KLF13: variants seen among roughly 807,000 people sequenced by gnomAD.
KLF13 encodes Krueppel-like factor 13.
In KLF13, 8 loss-of-function variants were observed where a neutral mutation model predicts 16.7. That is an observed-to-expected ratio of 0.48 (90% CI 0.28 to 0.87). KLF13 has a LOEUF of 0.87. Among genes scored for constraint, KLF13 ranks in the 40% least tolerant of loss-of-function variants. The probability of loss-of-function intolerance (pLI) is 0.10; values close to 1 mark genes in which losing one functional copy is unlikely to be tolerated. For missense variants in KLF13, 447 were observed against 452.2 expected (o/e 0.99, Z 0.10); for synonymous variants, 245 against 208.4 (o/e 1.18, Z -1.51).
intron 1 of KLF13, among the ~76,000 whole-genome samples, chr15:31,364,274 T>C (rs2039430670): frequency 6.6e-6 from 1 of 152,206 alleles, no homozygotes; most frequent in Non-Finnish European, 1.5e-5. Context: ...TCGCAAGCAT[T>C]GTAGAAATGT....
chr15:31,423,139 G>GTATATATACGTATATATACGTACGTATA lies in KLF13; in HGVS notation n.118-12227_118-12226insTATACGTATATATACGTACGTATATATA, dbSNP rs1491468052. On this transcript the variant is annotated intron_variant and non_coding_transcript_variant, in intron 1 of 1. Transcript: ENST00000558225. ...TATATATACGTATATATACGTATAC[G>GTATATATACGTATATATACGTACGTATA]TATACGTATATATACGTATATATAT... 2.0e-4 allele frequency among the ~76,000 whole-genome samples: 3 copies of GTATATATACGTATATATACGTACGTATA among 15,156 alleles called. 1 individual carries two copies. The highest frequency in any genetic ancestry group is 3.5e-4 in the Non-Finnish European group (3 of 8,686). 9.9% of individuals were successfully genotyped at this position (15,156 alleles called of 152,430 possible). A position where few individuals can be genotyped will look rare whatever the true frequency, so the allele number is the denominator to read the frequency against.
chr15:31,374,526 T>C lies in KLF13; in HGVS notation c.*2227T>C, dbSNP rs1241348977. ...TTCCAAAGTGAGGTCCCTCCCAAAG[T>C]TGTTTTCGTGTGAGGCAGAGAAAGC... On this transcript the variant is annotated 3_prime_UTR_variant, in exon 2 of 2. Transcript: ENST00000307145. 1 of 152,618 alleles carries C rather than the reference T, an allele frequency of 6.6e-6. No individual in the cohort carries two copies. The highest frequency in any genetic ancestry group is 1.5e-5 in the Non-Finnish European group (1 of 68,036). 9.5% of individuals were successfully genotyped at this position (152,618 alleles called of 1,614,324 possible). A position where few individuals can be genotyped will look rare whatever the true frequency, so the allele number is the denominator to read the frequency against.
intron 1 of KLF13, among the ~76,000 whole-genome samples, chr15:31,337,221 C>T (rs1268049094): frequency 3.3e-5 from 5 of 152,226 alleles, no homozygotes; most frequent in African/African-American, 1.2e-4. Flanking sequence ...TCCCTCCATC[C>T]CATCGCTGAG....
rs1457851973 is a variant in KLF13, at chr15:31,327,010, G to T, written c.-203G>T. 4 of 247,460 alleles carry T rather than the reference G, an allele frequency of 1.6e-5. No homozygotes were observed. The highest frequency in any genetic ancestry group is 2.7e-5 in the Non-Finnish European group (4 of 149,972). The allele number at this position is 247,460 out of a possible 1,614,324, so 15.3% of individuals were successfully genotyped here. Reference sequence around the variant, plus strand: ...CGCGCGCCCCATGCGCTCACTCTTCGGTGCCCGGCCGGGCCGGCGCCTCGC... The same window carrying T: ...CGCGCGCCCCATGCGCTCACTCTTCTGTGCCCGGCCGGGCCGGCGCCTCGC... On this transcript the variant is annotated 5_prime_UTR_variant, in exon 1 of 2. Coordinates refer to ENST00000307145, the MANE Select transcript of KLF13 (RefSeq NM_015995.4).
At chr15:31,336,962 T>G (rs2038939423) in intron 1 of KLF13, among the ~76,000 whole-genome samples, 1 of 152,142 alleles carries the variant, frequency 6.6e-6, no homozygotes, top group Admixed American at 6.5e-5. Flanking sequence ...TTCCCACACA[T>G]CCGAATCTGG....
chr15:31,352,622 G>A (rs2039234961), intron 1 of KLF13, among the ~76,000 whole-genome samples: 1 of 152,196 alleles, frequency 6.6e-6, no homozygotes, highest in Admixed American at 6.6e-5. Context: ...CCTGGGGACA[G>A]GAGCAGTATC....
At chr15:31,415,582 T>C (rs1008466286) in intron 1 of KLF13, among the ~76,000 whole-genome samples, 1 of 151,970 alleles carries the variant, frequency 6.6e-6, no homozygotes, top group Non-Finnish European at 1.5e-5. Context: ...AGAAAATAGA[T>C]TGATGTGAGT....
chr15:31,393,046 C>T (rs7171667), exon 1 of KLF13: 83,456 of 152,388 alleles, frequency 0.55, 23,716 homozygotes, highest in South Asian at 0.66. Flanking sequence ...GGAGACCGAC[C>T]GCAGCCTGGG....
At chr15:31,356,483 CAG>C (rs1232969325) in intron 1 of KLF13, among the ~76,000 whole-genome samples, 3 of 152,178 alleles carry the variant, frequency 2.0e-5, no homozygotes, top group South Asian at 2.1e-4. Context: ...ACCCGGGAGA[CAG>C]AGGTTTCAAT....
chr15:31,341,734 A>C lies in KLF13; in HGVS notation c.577+13945A>C, dbSNP rs2039025675. ...ACTGTTTTAAAGCAGGTGCTGGGTC[A>C]CTTTCCAGGATCCTCACAGCCTGAC... On this transcript the variant is annotated intron_variant, in intron 1 of 1. Coordinates refer to ENST00000307145, the MANE Select transcript of KLF13 (RefSeq NM_015995.4). 1.3e-5 allele frequency among the ~76,000 whole-genome samples: 2 copies of C among 152,044 alleles called. 1 individual carries two copies. Among genetic ancestry groups the C allele is most frequent in the South Asian group, 4.1e-4 (2 of 4,830 alleles).
At chr15:31,405,614 G>T (rs1451411993), downstream of KLF13, among the ~76,000 whole-genome samples, 1 of 152,224 alleles carries the variant, frequency 6.6e-6, no homozygotes, top group East Asian at 1.9e-4. Context: ...CTGGAGTAAA[G>T]CCTTCGGTAG....
chr15:31,411,745 G>A (rs1044883482), intron 1 of KLF13, among the ~76,000 whole-genome samples: 3 of 151,948 alleles, frequency 2.0e-5, no homozygotes, highest in Non-Finnish European at 4.4e-5. Context: ...TATGATTATA[G>A]AAGTATAAAG....
intron 1 of KLF13, chr15:31,393,304 G>T: frequency 6.6e-6 from 1 of 152,466 alleles, no homozygotes; most frequent in East Asian, 1.9e-4. Flanking sequence ...TCCCGGTCCA[G>T]ATATGGAGGT....
intron 1 of KLF13, among the ~76,000 whole-genome samples, chr15:31,417,596 C>T (rs1460842403): frequency 6.6e-6 from 1 of 151,686 alleles, no homozygotes; most frequent in Admixed American, 6.6e-5. Context: ...GGCTGGAGTG[C>T]AATGGTGCGA....
At chr15:31,422,079 C>T (rs1427144771) in intron 1 of KLF13, among the ~76,000 whole-genome samples, 1 of 151,404 alleles carries the variant, frequency 6.6e-6, no homozygotes. Flanking sequence ...CATGCCACTG[C>T]ACTCCAATCT....
At chr15:31,417,176 A>G (rs543597730) in intron 1 of KLF13, among the ~76,000 whole-genome samples, 1 of 152,130 alleles carries the variant, frequency 6.6e-6, no homozygotes, top group African/African-American at 2.4e-5. Flanking sequence ...CTCCAGAACT[A>G]TGAGAAATAA....
In KLF13 at chr15:31,348,047, T is replaced by C. The variant is rs552103712; in HGVS notation, c.577+20258T>C. 3.9e-5 allele frequency among the ~76,000 whole-genome samples: 6 copies of C among 152,334 alleles called. No homozygotes were observed. The East Asian group carries it at 1.2e-3, about 29-fold the overall frequency. On this transcript the variant is annotated intron_variant, in intron 1 of 1. Coordinates refer to ENST00000307145, the MANE Select transcript of KLF13 (RefSeq NM_015995.4). The stretch of plus-strand genomic sequence containing the variant: ...AGTGTGGAGGCTTCTTCCTGCACTT[T>C]CAGGGGGGTTTATTTCTGAAGGCGG...
chr15:31,384,925 G>A (rs566588532), intron 1 of KLF13, among the ~76,000 whole-genome samples: 13 of 152,286 alleles, frequency 8.5e-5, no homozygotes, highest in African/African-American at 2.4e-4. Context: ...CCAAACTCAC[G>A]TGTTGAACTC....
chr15:31,415,104 G>A (rs1268229025), intron 1 of KLF13, among the ~76,000 whole-genome samples: 2 of 152,036 alleles, frequency 1.3e-5, no homozygotes, highest in Non-Finnish European at 2.9e-5. Flanking sequence ...CCATTCTCTT[G>A]CCATGTGATC....
Sources: gnomAD v4.1 joint callset for allele counts (sites outside exome capture counted in the v4.1 genomes callset) on GRCh38, gnomAD v4.1.1 for gene constraint, MANE v1.5 for transcripts, NCBI Gene and HGNC (gene_info 2026-07-23, HGNC 2026-07-21) for gene names.